Variants in SAMD5 observed in about 807,000 individuals in gnomAD.
SAMD5 encodes sterile alpha motif domain-containing protein 5.
A neutral mutation model predicts 11.3 loss-of-function variants in SAMD5; 13 were observed. That is an observed-to-expected ratio of 1.15 (90% CI 0.75 to 1.83). SAMD5 has a LOEUF of 1.83. Among genes scored for constraint, SAMD5 ranks in the 40% most tolerant of loss-of-function variants. SAMD5 has a pLI of 0.00. For missense variants in SAMD5, 255 were observed against 239.1 expected, an observed-to-expected ratio of 1.07 and a Z score of -0.44; for synonymous variants, 129 against 111.3, an observed-to-expected ratio of 1.16 and a Z score of -1.00.
the SAMD5 span, among the ~76,000 whole-genome samples, chr6:147,857,808 AAAT>A: frequency 1.6e-4 from 25 of 152,332 alleles, no homozygotes; most frequent in South Asian, 3.3e-3. Flanking sequence ...AAAATCGGTA[AAAT>A]AATAATTTTC....
chr6:147,770,147 A>T, the SAMD5 span, among the ~76,000 whole-genome samples: 7 of 152,190 alleles, frequency 4.6e-5, no homozygotes, highest in African/African-American at 1.7e-4. Flanking sequence ...CTCCCAGCTT[A>T]TCCATTTTAA....
the SAMD5 span, among the ~76,000 whole-genome samples, chr6:147,774,648 G>A: frequency 0.02 from 3,052 of 151,778 alleles, 59 homozygotes; most frequent in Middle Eastern, 0.027. Flanking sequence ...TCTACAGTTG[G>A]TTGAATCTGT....
intron 1 of SAMD5, among the ~76,000 whole-genome samples, chr6:147,671,752 A>G (rs1006767215): frequency 7.2e-5 from 11 of 152,076 alleles, no homozygotes; most frequent in Non-Finnish European, 1.2e-4. Flanking sequence ...TTGAATGTCA[A>G]TTGCTTATCT....
At chr6:147,763,158 TGTTTG>T in the SAMD5 span, among the ~76,000 whole-genome samples, 8 of 152,114 alleles carry the variant, frequency 5.3e-5, no homozygotes, top group Non-Finnish European at 1.0e-4. Flanking sequence ...TGTGGTTTTT[TGTTTG>T]GTTTGTTTGT....
chr6:147,823,485 A>T, the SAMD5 span, among the ~76,000 whole-genome samples: 1 of 152,242 alleles, frequency 6.6e-6, no homozygotes, highest in Non-Finnish European at 1.5e-5. Flanking sequence ...TTTAGGGTTT[A>T]AATGCCAGGA....
At chr6:147,880,476 A>G in the SAMD5 span, among the ~76,000 whole-genome samples, 1 of 152,190 alleles carries the variant, frequency 6.6e-6, no homozygotes, top group Non-Finnish European at 1.5e-5. Context: ...TTCACACTCG[A>G]TTGGTAGAGA....
intron 1 of SAMD5, among the ~76,000 whole-genome samples, chr6:147,690,174 T>A (rs1029862135): frequency 2.6e-5 from 4 of 152,192 alleles, no homozygotes; most frequent in Non-Finnish European, 5.9e-5. Flanking sequence ...AATTAGGATA[T>A]CTATTTTTAA....
the SAMD5 span, among the ~76,000 whole-genome samples, chr6:147,859,744 T>G: frequency 6.6e-6 from 1 of 152,240 alleles, no homozygotes; most frequent in Admixed American, 6.5e-5. Flanking sequence ...CTCTGTTTTT[T>G]GGGTTTTTTG....
At chr6:147,886,628 A>T in the SAMD5 span, among the ~76,000 whole-genome samples, 1 of 152,152 alleles carries the variant, frequency 6.6e-6, no homozygotes, top group African/African-American at 2.4e-5. Flanking sequence ...TTACTAGCAG[A>T]CTTAATCTCT....
chr6:147,546,517 C>G (rs956019724), intron 1 of SAMD5, among the ~76,000 whole-genome samples: 9 of 85,868 alleles, frequency 1.0e-4, no homozygotes, highest in African/African-American at 4.1e-4. Context: ...GCAACAAGAG[C>G]GAAACTCTGT....
At chr6:147,738,713 T>A (rs1205503617), downstream of SAMD5, among the ~76,000 whole-genome samples, 1 of 152,114 alleles carries the variant, frequency 6.6e-6, no homozygotes, top group African/African-American at 2.4e-5. Context: ...AACAAGGTAA[T>A]GCCTGGGATG....
chr6:147,538,401 CTTT>C (rs1402087860), intron 1 of SAMD5, among the ~76,000 whole-genome samples: 1 of 152,116 alleles, frequency 6.6e-6, no homozygotes, highest in Non-Finnish European at 1.5e-5. Context: ...ATTCCTGTGC[CTTT>C]TTATAATCTT....
At chr6:147,830,393 A>AT in the SAMD5 span, among the ~76,000 whole-genome samples, 2 of 150,662 alleles carry the variant, frequency 1.3e-5, no homozygotes, top group African/African-American at 4.9e-5. Flanking sequence ...AGTAGCTGGG[A>AT]TTACAGGTAT....
downstream of SAMD5, among the ~76,000 whole-genome samples, chr6:147,739,399 C>T (rs1791847585): frequency 6.6e-6 from 1 of 152,054 alleles, no homozygotes; most frequent in South Asian, 2.1e-4. Context: ...AGTTTGAGAC[C>T]AGCCGGGCAA....
downstream of SAMD5, among the ~76,000 whole-genome samples, chr6:147,571,287 A>G (rs920906764): frequency 6.6e-6 from 1 of 152,228 alleles, no homozygotes; most frequent in African/African-American, 2.4e-5. Context: ...AGTGTTTGTT[A>G]AAGAATAGGA....
At chr6:147,634,928 C>T (rs545998514) in intron 1 of SAMD5, among the ~76,000 whole-genome samples, 1 of 123,902 alleles carries the variant, frequency 8.1e-6, no homozygotes, top group East Asian at 2.5e-4. Context: ...AGACATGAAG[C>T]CACTTAGTAG....
intron 1 of SAMD5, among the ~76,000 whole-genome samples, chr6:147,688,454 T>G (rs1165467596): frequency 6.6e-6 from 1 of 152,226 alleles, no homozygotes; most frequent in African/African-American, 2.4e-5. Flanking sequence ...TAAAGGAGAT[T>G]GCTTGAATAC....
the SAMD5 span, among the ~76,000 whole-genome samples, chr6:147,853,375 G>A: frequency 6.6e-6 from 1 of 151,970 alleles, no homozygotes. Flanking sequence ...TCCAGAATGT[G>A]AGCCTGTGAA....
chr6:147,624,163 T>A (rs900871954), intron 1 of SAMD5, among the ~76,000 whole-genome samples: 2 of 152,196 alleles, frequency 1.3e-5, no homozygotes, highest in African/African-American at 2.4e-5. Flanking sequence ...CCACTGCGCC[T>A]GACCAAAATT....
Sources: allele counts gnomAD v4.1 joint callset (sites outside exome capture counted in the v4.1 genomes callset), GRCh38; gene constraint gnomAD v4.1.1; transcripts MANE v1.5; gene names NCBI Gene and HGNC (gene_info 2026-07-23, HGNC 2026-07-21).